Variants in KIAA1217 observed in about 807,000 individuals in gnomAD.
The protein encoded by KIAA1217 is KIAA1217.
A neutral mutation model predicts 163.9 loss-of-function variants in KIAA1217; 88 were observed. The observed-to-expected ratio is 0.54, with a 90% confidence interval of 0.45 to 0.64. KIAA1217 has a LOEUF of 0.64. KIAA1217 is among the 30% of genes least tolerant of loss of function. The probability of loss-of-function intolerance (pLI) is 0.00; values close to 1 mark genes in which losing one functional copy is unlikely to be tolerated. For synonymous variants in KIAA1217, 903 were observed against 923.1 expected (o/e 0.98, Z 0.39); for missense variants, 2,372 against 2,475.0 (o/e 0.96, Z 0.88).
chr10:23,727,466 A>G (rs749739435), intron 1 of KIAA1217, among the ~76,000 whole-genome samples: 1 of 152,006 alleles, frequency 6.6e-6, no homozygotes, highest in Non-Finnish European at 1.5e-5. Flanking sequence ...AGGCTGAGAC[A>G]AGAGAATCAC....
At chr10:24,047,702 A>C (rs147485483) in intron 2 of KIAA1217, among the ~76,000 whole-genome samples, 277 of 152,302 alleles carry the variant, frequency 1.8e-3, no homozygotes, top group African/African-American at 6.6e-3. Context: ...TCTATAGCAC[A>C]TGTAGATTGA....
At chr10:24,163,631 A>G (rs1038835389) in intron 2 of KIAA1217, among the ~76,000 whole-genome samples, 1 of 152,198 alleles carries the variant, frequency 6.6e-6, no homozygotes, top group Non-Finnish European at 1.5e-5. Flanking sequence ...TGTTATTTGC[A>G]TGATGCTTTA....
chr10:24,510,210 C>G (rs1362742502), intron 9 of KIAA1217, among the ~76,000 whole-genome samples: 1 of 152,166 alleles, frequency 6.6e-6, no homozygotes. Flanking sequence ...CTCTAATTGC[C>G]GAGCACACCC....
chr10:24,194,327 C>T (rs1237194839), intron 2 of KIAA1217, among the ~76,000 whole-genome samples: 1 of 122,050 alleles, frequency 8.2e-6, no homozygotes, highest in East Asian at 2.9e-4. Context: ...CCCTCTCCTC[C>T]CCTCCCCTAC....
At chr10:24,405,723 T>C (rs1013437137) in intron 3 of KIAA1217, among the ~76,000 whole-genome samples, 1 of 152,214 alleles carries the variant, frequency 6.6e-6, no homozygotes, top group African/African-American at 2.4e-5. Context: ...AAGTAGCTTT[T>C]TCCTCTTTTT....
At chr10:24,497,867 G>A (rs1283905559) in intron 8 of KIAA1217, among the ~76,000 whole-genome samples, 2 of 151,976 alleles carry the variant, frequency 1.3e-5, no homozygotes, top group African/African-American at 2.4e-5. Context: ...AAAAAACTAC[G>A]AATTGGGTAC....
intron 2 of KIAA1217, among the ~76,000 whole-genome samples, chr10:24,310,997 C>T (rs1260231035): frequency 6.6e-6 from 1 of 152,150 alleles, no homozygotes; most frequent in Non-Finnish European, 1.5e-5. Flanking sequence ...GACCCTGTCT[C>T]AAACAAAACA....
At chr10:24,511,634 T>A (rs2134237590) in intron 9 of KIAA1217, among the ~76,000 whole-genome samples, 1 of 151,594 alleles carries the variant, frequency 6.6e-6, no homozygotes, top group East Asian at 1.9e-4. Context: ...GCAACAAGAG[T>A]GAAACTCCAT....
At chr10:23,956,294 A>G (rs1318974660) in intron 1 of KIAA1217, among the ~76,000 whole-genome samples, 2 of 152,298 alleles carry the variant, frequency 1.3e-5, no homozygotes, top group East Asian at 3.9e-4. Context: ...GACCTAGAAA[A>G]TAAACAGTAC....
At chr10:24,263,920 C>T (rs535335314) in intron 2 of KIAA1217, among the ~76,000 whole-genome samples, 2 of 152,036 alleles carry the variant, frequency 1.3e-5, no homozygotes, top group Admixed American at 6.6e-5. Flanking sequence ...TGCAGTGGTG[C>T]GATCTTGGCT....
At chr10:24,056,586 C>T (rs559878707) in intron 2 of KIAA1217, among the ~76,000 whole-genome samples, 1 of 152,128 alleles carries the variant, frequency 6.6e-6, no homozygotes, top group South Asian at 2.1e-4. Context: ...TACCCAGCTA[C>T]CTGGAGGCAG....
At chr10:24,372,421 G>T (rs907875303) in intron 2 of KIAA1217, among the ~76,000 whole-genome samples, 3 of 152,128 alleles carry the variant, frequency 2.0e-5, no homozygotes, top group Admixed American at 6.5e-5. Context: ...AGTCCTAAAG[G>T]TGTTTCCTGA....
chr10:23,845,562 T>G lies in KIAA1217; in HGVS notation c.-321+150328T>G, dbSNP rs572102559. Among the ~76,000 whole-genome samples, 99 of 152,340 alleles carry G rather than the reference T, an allele frequency of 6.5e-4. No homozygotes were observed. The South Asian group carries it at 0.01, about 16-fold the overall frequency. On this transcript the variant is annotated intron_variant, in intron 1 of 18. Coordinates refer to the KIAA1217 transcript ENST00000376462. The stretch of plus-strand genomic sequence containing the variant: ...TTTGAGATGTGTCTGTTCATATCCT[T>G]TGCCAACTTTTTGATGGTTTTTTCT...
At chr10:24,373,654 A>T (rs971772768) in intron 2 of KIAA1217, among the ~76,000 whole-genome samples, 2 of 152,208 alleles carry the variant, frequency 1.3e-5, no homozygotes, top group African/African-American at 4.8e-5. Flanking sequence ...GTATTTGCAT[A>T]GTGTGGTGCT....
intron 1 of KIAA1217, among the ~76,000 whole-genome samples, chr10:23,828,718 G>A (rs1370903237): frequency 6.6e-6 from 1 of 152,152 alleles, no homozygotes; most frequent in Non-Finnish European, 1.5e-5. Context: ...AAGATATGCT[G>A]TATGATTACA....
Position 24,253,018 on chromosome 10 carries a change from G to A in KIAA1217, c.354+33109G>A, listed in dbSNP as rs936549877. 3.9e-5 allele frequency among the ~76,000 whole-genome samples: 6 copies of A among 151,900 alleles called. No individual in the cohort carries two copies. In the East Asian group the frequency reaches 5.8e-4, roughly 15 times the overall value. On this transcript the variant is annotated intron_variant, in intron 2 of 20. Coordinates refer to ENST00000376454, the MANE Select transcript of KIAA1217 (RefSeq NM_019590.5). ...TAATTAAAAAAAAAAAAAAGAAATAGGATTACCTGAAAAGGAGCCAGTCTT... is the reference window on the plus strand; with the variant it reads ...TAATTAAAAAAAAAAAAAAGAAATAAGATTACCTGAAAAGGAGCCAGTCTT...
chr10:24,539,013 T>A (rs1165304843), intron 17 of KIAA1217, among the ~76,000 whole-genome samples: 2 of 152,056 alleles, frequency 1.3e-5, no homozygotes, highest in Non-Finnish European at 2.9e-5. Flanking sequence ...ATTACAGGCG[T>A]GAGCCACCGC....
chr10:24,153,261 G>A (rs2064708590), intron 2 of KIAA1217, among the ~76,000 whole-genome samples: 1 of 152,218 alleles, frequency 6.6e-6, no homozygotes, highest in South Asian at 2.1e-4. Flanking sequence ...CAACAGCTGA[G>A]ACAGCAGCCG....
intron 2 of KIAA1217, among the ~76,000 whole-genome samples, chr10:24,311,212 G>C (rs1590849651): frequency 6.6e-6 from 1 of 152,290 alleles, no homozygotes; most frequent in Non-Finnish European, 1.5e-5. Context: ...TGCAACCTCA[G>C]GATCGGACAT....
Sources: allele counts gnomAD v4.1 joint callset (sites outside exome capture counted in the v4.1 genomes callset), GRCh38; gene constraint gnomAD v4.1.1; transcripts MANE v1.5; gene names NCBI Gene and HGNC (gene_info 2026-07-23, HGNC 2026-07-21).